DBT: variants seen among roughly 807,000 people sequenced by gnomAD.
The protein encoded by DBT is lipoamide acyltransferase component of branched-chain alpha-keto acid dehydrogenase complex, mitochondrial.
DBT carries 40 observed loss-of-function variants against 51.3 expected under a neutral mutation model. That is an observed-to-expected ratio of 0.78 (90% CI 0.61 to 1.02). DBT has a LOEUF of 1.02. DBT is among the 50% of genes least tolerant of loss of function. The pLI, the probability that DBT is intolerant of heterozygous loss-of-function variation, is 0.00. For missense variants in DBT, 510 were observed against 580.2 expected, an observed-to-expected ratio of 0.88 and a Z score of 1.24; for synonymous variants, 181 against 190.4, an observed-to-expected ratio of 0.95 and a Z score of 0.41.
intron 1 of DBT, among the ~76,000 whole-genome samples, chr1:100,243,160 G>C (rs1664322139): frequency 6.6e-6 from 1 of 150,648 alleles, no homozygotes; most frequent in African/African-American, 2.4e-5. Context: ...TACTTGGGAG[G>C]CTGAGGCACA....
intron 5 of DBT, among the ~76,000 whole-genome samples, chr1:100,218,098 C>T (rs1356688506): frequency 3.3e-5 from 5 of 152,182 alleles, no homozygotes; most frequent in Admixed American, 6.5e-5. Context: ...TACAAAAGGC[C>T]GGCCTCCTTG....
chr1:100,235,345 C>T (rs1663805328), intron 3 of DBT, 91 bp downstream of exon 3: 3 of 670,662 alleles, frequency 4.5e-6, no homozygotes, highest in Non-Finnish European at 5.3e-6. Flanking sequence ...AATGGATTCC[C>T]ACTATCCATT....
chr1:100,211,740 C>T (rs1387654527), intron 7 of DBT, among the ~76,000 whole-genome samples: 2 of 152,060 alleles, frequency 1.3e-5, no homozygotes, highest in Non-Finnish European at 2.9e-5. Context: ...AAAAGAACTG[C>T]TACGAGTTCC....
At position 100,190,908 on chromosome 1, in the gene DBT, G is replaced by A. The variant is rs116806523; in HGVS notation, c.*5347C>T. 3.2e-3 allele frequency: 483 copies of A among 152,296 alleles called. 3 individuals are homozygous for A. The highest frequency in any genetic ancestry group is 0.011 in the African/African-American group (448 of 41,548). The allele number at this position is 152,296 out of a possible 1,614,324, so 9.4% of individuals were successfully genotyped here. A position where few individuals can be genotyped will look rare whatever the true frequency, so the allele number is the denominator to read the frequency against. On this transcript the variant is annotated 3_prime_UTR_variant, in exon 11 of 11. Coordinates refer to ENST00000370132, the MANE Select transcript of DBT (RefSeq NM_001918.5). ...GTACTGTAAAGAGTGCCTTGGGCAT[G>A]CGCTGTAGAATTTGGAAGGCATTTG...
At chr1:100,226,252 T>G (rs1663195901) in intron 4 of DBT, among the ~76,000 whole-genome samples, 1 of 151,476 alleles carries the variant, frequency 6.6e-6, no homozygotes, top group African/African-American at 2.4e-5. Context: ...AATTTTTGTT[T>G]TGTTTTTCTT....
At position 100,190,525 on chromosome 1, in the gene DBT, G is replaced by A. The variant is rs1660761508; in HGVS notation, c.*5730C>T. 1 of 152,166 alleles carries A rather than the reference G, an allele frequency of 6.6e-6. No homozygotes were observed. The highest frequency in any genetic ancestry group is 2.4e-5 in the African/African-American group (1 of 41,420). 9.4% of individuals were successfully genotyped at this position (152,166 alleles called of 1,614,324 possible). A position where few individuals can be genotyped will look rare whatever the true frequency, so the allele number is the denominator to read the frequency against. On this transcript the variant is annotated 3_prime_UTR_variant, in exon 11 of 11. Transcript: ENST00000370132. ...TCTAATACCTCCTCCATAAGGAAAT[G>A]GAAATAAATTTTAATCAGTGTGCTA...
intron 4 of DBT, among the ~76,000 whole-genome samples, chr1:100,220,898 C>G (rs1229470729): frequency 1.3e-5 from 2 of 152,142 alleles, no homozygotes; most frequent in Non-Finnish European, 2.9e-5. Context: ...TCTGTATATT[C>G]TCTACATCTG....
At chr1:100,222,484 T>C (rs1209798018) in intron 4 of DBT, among the ~76,000 whole-genome samples, 7 of 152,214 alleles carry the variant, frequency 4.6e-5, no homozygotes, top group African/African-American at 2.4e-5. Context: ...GTTAGGAGCA[T>C]GGGCTTTCAC....
intron 2 of DBT, 81 bp downstream of exon 2, chr1:100,240,680 G>T: frequency 8.5e-7 from 1 of 1,176,338 alleles, no homozygotes; most frequent in Non-Finnish European, 1.3e-6. Flanking sequence ...TGTTTAAAAA[G>T]TCTCAATCAA....
rs1661217394 is a variant in DBT at position 100,198,205 on chromosome 1, T to A, written c.1282-1783A>T. 1.3e-5 allele frequency among the ~76,000 whole-genome samples: 2 copies of A among 152,342 alleles called. 1 individual carries two copies. The highest frequency in any genetic ancestry group is 6.8e-3 in the Middle Eastern group (2 of 294). ...CCCTTAAAAATTAATGAAATTCTGA[T>A]ACATGCTACATGAATGAACCTTGAG... is the stretch of plus-strand genomic sequence containing the variant. On this transcript the variant is annotated intron_variant, in intron 10 of 10. Coordinates refer to ENST00000370132, the MANE Select transcript of DBT (RefSeq NM_001918.5).
chr1:100,197,821 T>C (rs1661201058), intron 10 of DBT, among the ~76,000 whole-genome samples: 7 of 152,158 alleles, frequency 4.6e-5, no homozygotes, highest in Admixed American at 4.6e-4. Flanking sequence ...ATGGAAGACT[T>C]AATGACTTAA....
intron 1 of DBT, among the ~76,000 whole-genome samples, chr1:100,245,881 G>A (rs1271020888): frequency 1.3e-5 from 2 of 152,068 alleles, no homozygotes; most frequent in African/African-American, 4.8e-5. Flanking sequence ...GAGCCCAGGA[G>A]GTCAAGACTG....
At chr1:100,206,072 T>TAAA (rs35150096) in intron 10 of DBT, among the ~76,000 whole-genome samples, 158 bp downstream of exon 10, 3 of 124,888 alleles carry the variant, frequency 2.4e-5, no homozygotes, top group Middle Eastern at 4.0e-3. Context: ...AACTTAAAGT[T>TAAA]AAAAAAAAAA....
In DBT at chr1:100,188,821, C is replaced by T. The variant is rs533835450; in HGVS notation, c.*7434G>A. The T allele has an allele frequency of 2.6e-5, 4 of 152,372 alleles. No homozygotes were observed. The highest frequency in any genetic ancestry group is 9.6e-5 in the African/African-American group (4 of 41,560). 9.4% of individuals were successfully genotyped at this position (152,372 alleles called of 1,614,324 possible). ...TCATGCTTCAGTTGTTTCTGTGGCT[C>T]TCCTCTGGACTCTCTCCAAATTCTC... On this transcript the variant is annotated 3_prime_UTR_variant, in exon 11 of 11. Coordinates refer to ENST00000370132, the MANE Select transcript of DBT (RefSeq NM_001918.5).
At chr1:100,241,725 T>C (rs927045208) in intron 1 of DBT, among the ~76,000 whole-genome samples, 2 of 152,066 alleles carry the variant, frequency 1.3e-5, no homozygotes, top group Non-Finnish European at 2.9e-5. Context: ...AGTTAATATT[T>C]CAATGCCATT....
intron 10 of DBT, among the ~76,000 whole-genome samples, chr1:100,198,643 T>A (rs1391666916): frequency 6.6e-6 from 1 of 152,200 alleles, no homozygotes; most frequent in African/African-American, 2.4e-5. Flanking sequence ...AAATGTTGAA[T>A]TCTTGTTGGA....
chr1:100,230,683 A>G (rs1372397184), intron 4 of DBT, 50 bp downstream of exon 4: 1 of 1,292,692 alleles, frequency 7.7e-7, no homozygotes, highest in Non-Finnish European at 1.1e-6. Context: ...CCAATGACAA[A>G]AAGAGACCAA....
Position 100,196,069 on chromosome 1 carries a change from C to G in DBT, c.*186G>C. The G allele has an allele frequency of 1.6e-6, 1 of 641,460 alleles. No homozygotes were observed. 39.7% of individuals were successfully genotyped at this position (641,460 alleles called of 1,614,324 possible). ...TAAAATGTGACAGCCCCAGGAGAAC[C>G]ATTACACCATTATTCATTTTCAGTA... On this transcript the variant is annotated 3_prime_UTR_variant, in exon 11 of 11. Transcript: ENST00000370132.
intron 3 of DBT, among the ~76,000 whole-genome samples, chr1:100,235,151 T>TTTCGTA (rs1663791021): frequency 2.6e-5 from 4 of 152,342 alleles, no homozygotes; most frequent in East Asian, 1.9e-4. Context: ...ATACTTACAT[T>TTTCGTA]CTTACTAAAG....
Sources: gnomAD v4.1 joint callset for allele counts (sites outside exome capture counted in the v4.1 genomes callset) on GRCh38, gnomAD v4.1.1 for gene constraint, MANE v1.5 for transcripts, NCBI Gene and HGNC (gene_info 2026-07-23, HGNC 2026-07-21) for gene names.